The following MYH14 variants were observed in gnomAD, a reference collection of about 807,000 sequenced individuals.
MYH14 encodes myosin-14.
In MYH14, 123 loss-of-function variants were observed where a neutral mutation model predicts 255.5. The observed-to-expected ratio is 0.48, with a 90% CI of 0.42 to 0.56. MYH14 has a LOEUF of 0.56. MYH14 is among the 20% of genes least tolerant of loss of function. The pLI is 0.00. For missense variants in MYH14, 2,423 were observed against 2,802.3 expected (o/e 0.86, Z 3.06); for synonymous variants, 1,095 against 1,161.2 (o/e 0.94, Z 1.16).
chr19:50,265,363 AC>A (rs1171808988), intron 22 of MYH14, among the ~76,000 whole-genome samples: 2 of 151,328 alleles, frequency 1.3e-5, no homozygotes, highest in Admixed American at 6.6e-5. Context: ...AAAAAAAAAA[AC>A]AAAAACAAAA....
chr19:50,251,631 G>A (rs2034403440), intron 15 of MYH14, among the ~76,000 whole-genome samples: 1 of 151,720 alleles, frequency 6.6e-6, no homozygotes, highest in Non-Finnish European at 1.5e-5. Flanking sequence ...AGGCTGGAGT[G>A]CAGTGGCACG....
At chr19:50,295,118 G>A (rs992750115) in intron 39 of MYH14, among the ~76,000 whole-genome samples, 11 of 151,564 alleles carry the variant, frequency 7.3e-5, no homozygotes, top group African/African-American at 2.4e-4. Context: ...GAGGTCAGGA[G>A]ATCAAGACCA....
intron 10 of MYH14, 29 bp downstream of exon 10, chr19:50,232,099 AG>A (rs767034141): frequency 1.4e-5 from 23 of 1,606,676 alleles, no homozygotes; most frequent in South Asian, 3.3e-5. Context: ...GGCCAGGGGT[AG>A]GGGGGAACCC....
chr19:50,276,976 C>A lies in MYH14; in HGVS notation c.3825+75C>A. The A allele has an allele frequency of 8.3e-7, 1 of 1,211,396 alleles. No individual in the cohort carries two copies. Among genetic ancestry groups the A allele is most frequent in the Non-Finnish European group, 1.2e-6 (1 of 858,998 alleles). The allele number at this position is 1,211,396 out of a possible 1,614,324, so 75.0% of individuals were successfully genotyped here. ...CAGGACGCGGGGTTGGAGGAGGTAC[C>A]GCTGGCTGGTTCTAGGCTAGCTCAT... On this transcript the variant is annotated intron_variant, in intron 29 of 42. Transcript: ENST00000642316. This position sits in a 1 kb window ranked among gnomAD's most constrained non-coding sequence, Gnocchi z 4.3.
intron 40 of MYH14, 65 bp from the exon 41 acceptor site, chr19:50,306,984 G>A: frequency 4.2e-6 from 5 of 1,185,710 alleles, no homozygotes; most frequent in Non-Finnish European, 6.1e-6. Context: ...CACTGCATGA[G>A]TCTATGGGGA....
In MYH14 at chr19:50,275,994, A is replaced by G; in HGVS notation, c.3471A>G (p.Ala1157=). Residue 1157 remains alanine (A), a synonymous_variant, in exon 28 of 43, where the codon GCA becomes GCG. Coordinates refer to ENST00000642316, the MANE Select transcript of MYH14 (RefSeq NM_001145809.2). ...CCACGGTTCTTGTCACCCCCAGGGC[A>G]GAAGACGAGGGTGGGGCCCGGGCCC... ...EEELQAALAR[A]EDEGGARAQL... The G allele has an allele frequency of 6.2e-7, 1 of 1,611,938 alleles. No homozygotes were observed. The highest frequency in any genetic ancestry group is 8.5e-7 in the Non-Finnish European group (1 of 1,179,012).
At chr19:50,270,308 T>C (rs2035246226) in intron 24 of MYH14, among the ~76,000 whole-genome samples, 1 of 152,034 alleles carries the variant, frequency 6.6e-6, no homozygotes, top group South Asian at 2.1e-4. Context: ...CACCTGAAGT[T>C]AGGAGTTCAA....
At chr19:50,273,039 C>A (rs1033281475) in intron 27 of MYH14, among the ~76,000 whole-genome samples, 1 of 152,028 alleles carries the variant, frequency 6.6e-6, no homozygotes, top group Non-Finnish European at 1.5e-5. Flanking sequence ...ACCTGTAATC[C>A]CAGTACTTTG....
intron 27 of MYH14, among the ~76,000 whole-genome samples, chr19:50,273,118 C>T (rs1422876337): frequency 1.3e-5 from 2 of 151,944 alleles, no homozygotes; most frequent in Non-Finnish European, 2.9e-5. Flanking sequence ...TGGCAAAACC[C>T]TGTCTCTACT....
intron 10 of MYH14, among the ~76,000 whole-genome samples, chr19:50,239,268 C>G (rs2033796278): frequency 6.6e-6 from 1 of 152,254 alleles, no homozygotes; most frequent in Non-Finnish European, 1.5e-5. Flanking sequence ...AACCGCCTGC[C>G]TCGGCCTCCC....
chr19:50,239,956 C>T (rs769727439), intron 10 of MYH14, among the ~76,000 whole-genome samples: 3 of 152,172 alleles, frequency 2.0e-5, no homozygotes, highest in Non-Finnish European at 4.4e-5. Flanking sequence ...GGAGGGAACA[C>T]CCTGTATATC....
At chr19:50,287,942 C>G (rs1465809127) in intron 34 of MYH14, among the ~76,000 whole-genome samples, 1 of 152,098 alleles carries the variant, frequency 6.6e-6, no homozygotes, top group Non-Finnish European at 1.5e-5. Context: ...TTGCCTGCCA[C>G]CAATTCCACT....
intron 10 of MYH14, 45 bp downstream of exon 10, chr19:50,232,115 G>A: frequency 1.2e-6 from 2 of 1,601,746 alleles, no homozygotes; most frequent in South Asian, 2.2e-5. Flanking sequence ...GAACCCCACG[G>A]AGAGCTGGGG....
intron 1 of MYH14, among the ~76,000 whole-genome samples, chr19:50,205,976 C>G (rs942105901): frequency 2.6e-5 from 4 of 152,186 alleles, no homozygotes; most frequent in Admixed American, 2.0e-4. Flanking sequence ...CCAGCAGTCT[C>G]GGCCCCTCCC....
At chr19:50,289,765 C>T in intron 35 of MYH14, 117 bp downstream of exon 35, 1 of 917,104 alleles carries the variant, frequency 1.1e-6, no homozygotes, top group East Asian at 2.6e-5. Context: ...TCTGTCTCCT[C>T]CACCCGCCGA....
chr19:50,206,411 G>A (rs1046998230), intron 1 of MYH14, among the ~76,000 whole-genome samples: 2 of 151,446 alleles, frequency 1.3e-5, no homozygotes, highest in Non-Finnish European at 2.9e-5. Flanking sequence ...AAGTGGATGG[G>A]GTGGGGTGGG....
intron 3 of MYH14, among the ~76,000 whole-genome samples, chr19:50,217,997 T>C (rs1378628559): frequency 6.6e-6 from 1 of 152,008 alleles, no homozygotes; most frequent in Non-Finnish European, 1.5e-5. Context: ...TTATTATTGT[T>C]ATTATTATTA....
rs998245373 is a variant in MYH14, at chr19:50,280,996, GTC to G, written c.4291-594_4291-593del. Among the ~76,000 whole-genome samples, 43 of 152,256 alleles carry G rather than the reference GTC, an allele frequency of 2.8e-4. No individual in the cohort carries two copies. The highest frequency in any genetic ancestry group is 9.4e-4 in the African/African-American group (39 of 41,538). ...ACTCCAGTCACCTTGGGCTGGGACT[GTC>G]TCTGCCCATGAGTCTCCCCACCAGA... On this transcript the variant is annotated intron_variant, in intron 32 of 42. Transcript: ENST00000642316. This position sits in a 1 kb window ranked among gnomAD's most constrained non-coding sequence, Gnocchi z 4.8.
intron 14 of MYH14, 92 bp downstream of exon 14, chr19:50,249,915 G>A: frequency 1.3e-6 from 2 of 1,508,418 alleles, no homozygotes; most frequent in Non-Finnish European, 1.8e-6. Flanking sequence ...TCCTCTGCTG[G>A]GCCTCAGGAT....
Sources: gnomAD v4.1 joint callset for allele counts (sites outside exome capture counted in the v4.1 genomes callset) on GRCh38, gnomAD v4.1.1 for gene constraint, Gnocchi (gnomAD v3.1) non-coding constraint, MANE v1.5 for transcripts, NCBI Gene and HGNC (gene_info 2026-07-23, HGNC 2026-07-21) for gene names.